IRAK1BP1: variants seen among roughly 807,000 people sequenced by gnomAD.
IRAK1BP1 encodes interleukin-1 receptor-associated kinase 1-binding protein 1.
A neutral mutation model predicts 28.0 loss-of-function variants in IRAK1BP1; 24 were observed. The ratio of observed to expected loss-of-function variants is 0.86; its 90% confidence interval spans 0.62 to 1.20. The LOEUF (loss-of-function observed/expected upper bound fraction) is 1.20. Among genes scored for constraint, IRAK1BP1 ranks in the 50% most tolerant of loss-of-function variants. The pLI is 0.00. For synonymous variants in IRAK1BP1, 131 were observed against 116.3 expected, an observed-to-expected ratio of 1.13 and a Z score of -0.81; for missense variants, 336 against 316.7, an observed-to-expected ratio of 1.06 and a Z score of -0.46.
rs1773476935 is a variant in IRAK1BP1, at chr6:78,941,065, A to G, written c.*68-4343A>G. 1.2e-6 allele frequency: 2 copies of G among 1,613,928 alleles called. No homozygotes were observed. The highest frequency in any genetic ancestry group is 1.7e-6 in the Non-Finnish European group (2 of 1,179,912). On this transcript the variant is annotated intron_variant and NMD_transcript_variant, in intron 4 of 4. Coordinates refer to the IRAK1BP1 transcript ENST00000606868. ...GTAACAAATCTTCCTTTACATTATT[A>G]GTTTCAGAAAGAAAATTGCATGTTG...
the IRAK1BP1 span, among the ~76,000 whole-genome samples, chr6:78,966,567 T>C: frequency 6.6e-6 from 1 of 152,182 alleles, no homozygotes; most frequent in Non-Finnish European, 1.5e-5. Flanking sequence ...TCACTCTCCC[T>C]TTCCTGTAAA....
the IRAK1BP1 span, among the ~76,000 whole-genome samples, chr6:78,967,427 T>C: frequency 3.3e-5 from 5 of 152,200 alleles, no homozygotes; most frequent in Non-Finnish European, 5.9e-5. Flanking sequence ...CTGAGTAATG[T>C]GTGCCTAATC....
the IRAK1BP1 span, among the ~76,000 whole-genome samples, chr6:78,968,176 T>C: frequency 1.4e-4 from 21 of 152,308 alleles, no homozygotes; most frequent in African/African-American, 4.6e-4. Flanking sequence ...AAGTAATGTA[T>C]GTGAAAAATT....
the IRAK1BP1 span, chr6:78,956,557 T>C: frequency 1.3e-5 from 2 of 152,160 alleles, no homozygotes; most frequent in Non-Finnish European, 2.9e-5. Flanking sequence ...GCTTATATTT[T>C]AGATTCATAT....
the IRAK1BP1 span, chr6:78,970,766 A>G: frequency 6.7e-7 from 1 of 1,488,338 alleles, no homozygotes; most frequent in Admixed American, 1.9e-5. Flanking sequence ...ATTAAATAAT[A>G]AATCAATGTC....
At chr6:78,946,078 G>C (rs1188232817) in exon 5 of IRAK1BP1, 1 of 1,612,926 alleles carries the variant, frequency 6.2e-7, no homozygotes, top group Admixed American at 1.7e-5. Context: ...TGGTTGCTCA[G>C]TGACAACTGG....
chr6:78,954,025 A>T, the IRAK1BP1 span, among the ~76,000 whole-genome samples: 1 of 152,238 alleles, frequency 6.6e-6, no homozygotes, highest in Non-Finnish European at 1.5e-5. Flanking sequence ...TTCCATAAAG[A>T]TTACACATTG....
chr6:78,943,521 C>T (rs1773618195), intron 4 of IRAK1BP1, among the ~76,000 whole-genome samples: 1 of 152,074 alleles, frequency 6.6e-6, no homozygotes. Flanking sequence ...CACTCATATG[C>T]AAAGCATTTT....
chr6:78,918,512 T>C (rs974622454), intron 4 of IRAK1BP1, among the ~76,000 whole-genome samples: 5 of 95,188 alleles, frequency 5.3e-5, no homozygotes, highest in African/African-American at 1.7e-4. Flanking sequence ...TTATTACTCA[T>C]ACAGAAAAAA....
At chr6:78,868,538 T>G (rs1163718392) in intron 1 of IRAK1BP1, among the ~76,000 whole-genome samples, 1 of 152,242 alleles carries the variant, frequency 6.6e-6, no homozygotes, top group East Asian at 1.9e-4. Flanking sequence ...ATACTTCTAC[T>G]TACTTAACGG....
At chr6:78,915,633 C>T (rs1772540598) in intron 4 of IRAK1BP1, among the ~76,000 whole-genome samples, 1 of 152,196 alleles carries the variant, frequency 6.6e-6, no homozygotes, top group South Asian at 2.1e-4. Flanking sequence ...CCCCAACAGC[C>T]TTGCCAAACC....
At chr6:78,971,587 G>A in the IRAK1BP1 span, among the ~76,000 whole-genome samples, 5 of 152,102 alleles carry the variant, frequency 3.3e-5, no homozygotes, top group South Asian at 2.1e-4. Context: ...TGCAGAAGAC[G>A]GGTGATTTCT....
rs759107896 is a variant in IRAK1BP1 at position 78,898,299 on chromosome 6, G to T, written c.748G>T (p.Val250Leu). ...TTCAAAAGTATTTATAACTTTTGAGGTAAAGGGAAAAGAGAAGAGAAAAAA... is the reference window on the plus strand; with the variant it reads ...TTCAAAAGTATTTATAACTTTTGAGTTAAAGGGAAAAGAGAAGAGAAAAAA... ...AASKVFITFEVKGKEKRKKHL is the reference protein window; with the variant it reads ...AASKVFITFELKGKEKRKKHL Residue 250 changes from valine to leucine, a missense_variant, in exon 4 of 4, where the codon GTA (valine) becomes TTA (leucine). Coordinates refer to ENST00000369940, the MANE Select transcript of IRAK1BP1 (RefSeq NM_001010844.4). The T allele has an allele frequency of 1.7e-5, 27 of 1,598,558 alleles. No homozygotes were observed. The highest frequency in any genetic ancestry group is 4.6e-5 in the South Asian group (4 of 87,606).
At position 78,889,085 on chromosome 6, in the gene IRAK1BP1, G is replaced by C. The variant is rs568310930; in HGVS notation, c.381+3642G>C. Among the ~76,000 whole-genome samples, 180 of 139,118 alleles carry C rather than the reference G, an allele frequency of 1.3e-3. 1 individual carries two copies. Among genetic ancestry groups the C allele is most frequent in the African/African-American group, 4.6e-3 (167 of 35,948 alleles). The allele number at this position is 139,118 out of a possible 152,430, so 91.3% of individuals were successfully genotyped here. A position where few individuals can be genotyped will look rare whatever the true frequency, so the allele number is the denominator to read the frequency against. On this transcript the variant is annotated intron_variant, in intron 2 of 3. Coordinates refer to ENST00000369940, the MANE Select transcript of IRAK1BP1 (RefSeq NM_001010844.4). ...TGAGTCAAGATCATGCCACTGCACT[G>C]CAGCCTGGGCAACAGAGTGAGACTC... is the stretch of plus-strand genomic sequence containing the variant.
downstream of IRAK1BP1, among the ~76,000 whole-genome samples, chr6:78,907,396 G>T (rs960972544): frequency 7.2e-5 from 11 of 152,030 alleles, no homozygotes; most frequent in African/African-American, 2.2e-4. Flanking sequence ...AAAACTTGGG[G>T]TCATATAACA....
chr6:78,974,843 T>C, the IRAK1BP1 span, among the ~76,000 whole-genome samples: 1 of 150,982 alleles, frequency 6.6e-6, no homozygotes, highest in East Asian at 1.9e-4. Flanking sequence ...AATCTCTGAA[T>C]AGACCAATAA....
At chr6:78,967,857 G>A in the IRAK1BP1 span, among the ~76,000 whole-genome samples, 10 of 152,132 alleles carry the variant, frequency 6.6e-5, no homozygotes, top group Middle Eastern at 3.4e-3. Context: ...TTTATCGGCC[G>A]GGCGCGGTGG....
the IRAK1BP1 span, among the ~76,000 whole-genome samples, chr6:78,962,502 CTCT>C: frequency 0.018 from 2,738 of 152,194 alleles, 89 homozygotes; most frequent in African/African-American, 0.061. Flanking sequence ...GTCCATCCAG[CTCT>C]TCTTACTCAT....
chr6:78,972,908 G>A, the IRAK1BP1 span, among the ~76,000 whole-genome samples: 1 of 152,176 alleles, frequency 6.6e-6, no homozygotes, highest in African/African-American at 2.4e-5. Flanking sequence ...TCTGATTGGT[G>A]TACCTGAAAG....
Sources: gnomAD v4.1 joint callset for allele counts (sites outside exome capture counted in the v4.1 genomes callset) on GRCh38, gnomAD v4.1.1 for gene constraint, MANE v1.5 for transcripts, NCBI Gene and HGNC (gene_info 2026-07-23, HGNC 2026-07-21) for gene names.